The following CDH6 variants were observed in gnomAD, a reference collection of about 807,000 sequenced individuals.
CDH6 encodes cadherin 6.
CDH6 carries 31 observed loss-of-function variants against 78.0 expected under a neutral mutation model. The observed-to-expected ratio is 0.40, with a 90% CI of 0.30 to 0.54. The LOEUF is 0.54. Among genes scored for constraint, CDH6 ranks in the 20% least tolerant of loss-of-function variants. CDH6 has a pLI of 0.56. For missense variants in CDH6, 724 were observed against 975.9 expected, an observed-to-expected ratio of 0.74 and a Z score of 3.44; for synonymous variants, 376 against 368.8, an observed-to-expected ratio of 1.02 and a Z score of -0.23.
At chr5:31,317,342 A>G (rs368568148) in intron 9 of CDH6, 33 bp from the exon 10 acceptor site, 1 of 1,064,622 alleles carries the variant, frequency 9.4e-7, no homozygotes, top group Non-Finnish European at 1.4e-6. Context: ...GAGTTATCAA[A>G]ATTTTATGGC....
intron 1 of CDH6, among the ~76,000 whole-genome samples, chr5:31,252,951 G>C (rs1343381774): frequency 6.6e-6 from 1 of 152,164 alleles, no homozygotes; most frequent in Non-Finnish European, 1.5e-5. Flanking sequence ...AGTGTTTTAT[G>C]TACTTTATAT....
chr5:31,245,654 TG>T (rs1741725540), intron 1 of CDH6, among the ~76,000 whole-genome samples: 1 of 152,180 alleles, frequency 6.6e-6, no homozygotes, highest in Non-Finnish European at 1.5e-5. Flanking sequence ...ATATAAACCA[TG>T]ATTATTCCTC....
At chr5:31,295,931 G>A (rs1249058227) in intron 3 of CDH6, among the ~76,000 whole-genome samples, 1 of 152,152 alleles carries the variant, frequency 6.6e-6, no homozygotes, top group Non-Finnish European at 1.5e-5. Context: ...ATCAAATTTT[G>A]TGTTAATGTT....
At chr5:31,213,591 C>A (rs1200906337) in intron 1 of CDH6, among the ~76,000 whole-genome samples, 1 of 152,172 alleles carries the variant, frequency 6.6e-6, no homozygotes, top group Non-Finnish European at 1.5e-5. Flanking sequence ...GTCTTTTTAA[C>A]AGCCTCTAAA....
chr5:31,307,769 T>C (rs1738027748), intron 7 of CDH6, among the ~76,000 whole-genome samples: 1 of 152,214 alleles, frequency 6.6e-6, no homozygotes, highest in Admixed American at 6.5e-5. Flanking sequence ...AGATCAACTT[T>C]TTTTTAATTA....
intron 1 of CDH6, among the ~76,000 whole-genome samples, chr5:31,248,207 G>C (rs769587986): frequency 2.0e-5 from 3 of 152,128 alleles, no homozygotes; most frequent in Non-Finnish European, 2.9e-5. Flanking sequence ...ATGTTTAACT[G>C]TTCAAATTAA....
chr5:31,252,027 G>A (rs1261238023), intron 1 of CDH6, among the ~76,000 whole-genome samples: 4 of 152,000 alleles, frequency 2.6e-5, no homozygotes, highest in Admixed American at 1.3e-4. Flanking sequence ...AAAAATTCTG[G>A]GACAAAAATT....
chr5:31,269,941 A>G (rs1260633655), intron 2 of CDH6, among the ~76,000 whole-genome samples: 1 of 152,198 alleles, frequency 6.6e-6, no homozygotes, highest in Non-Finnish European at 1.5e-5. Context: ...TGGCTGTATC[A>G]GACACGCGTT....
At chr5:31,259,853 G>C (rs1039912953) in intron 1 of CDH6, among the ~76,000 whole-genome samples, 1 of 152,156 alleles carries the variant, frequency 6.6e-6, no homozygotes, top group Non-Finnish European at 1.5e-5. Flanking sequence ...AATGGCATTT[G>C]AACATAAGGC....
chr5:31,273,552 G>A (rs1742592678), intron 2 of CDH6, among the ~76,000 whole-genome samples: 1 of 152,136 alleles, frequency 6.6e-6, no homozygotes, highest in Admixed American at 6.5e-5. Flanking sequence ...GACCCCGACA[G>A]ACGATACTGT....
chr5:31,221,285 T>C (rs1015207938), intron 1 of CDH6, among the ~76,000 whole-genome samples: 1 of 152,172 alleles, frequency 6.6e-6, no homozygotes, highest in African/African-American at 2.4e-5. Flanking sequence ...AATACTTCTT[T>C]TCCTTACATA....
chr5:31,315,993 G>T (rs1161755032), intron 8 of CDH6, among the ~76,000 whole-genome samples: 1 of 152,116 alleles, frequency 6.6e-6, no homozygotes, highest in Non-Finnish European at 1.5e-5. Context: ...AAGTGGCTTT[G>T]TCACCCATGT....
chr5:31,266,843 G>A (rs560252969), intron 1 of CDH6, among the ~76,000 whole-genome samples: 5 of 152,176 alleles, frequency 3.3e-5, no homozygotes, highest in Admixed American at 6.5e-5. Flanking sequence ...GAAGCCAAGA[G>A]TCTGCAGAGC....
At chr5:31,311,454 GA>G (rs1327962828) in intron 7 of CDH6, among the ~76,000 whole-genome samples, 2 of 152,052 alleles carry the variant, frequency 1.3e-5, no homozygotes, top group African/African-American at 4.8e-5. Flanking sequence ...TTCTTCTTCT[GA>G]ACCCTCCAAT....
At chr5:31,318,300 C>A (rs1297937883) in intron 11 of CDH6, 2 of 408,104 alleles carry the variant, frequency 4.9e-6, no homozygotes, top group Non-Finnish European at 8.8e-6. Flanking sequence ...TGATGAGGGC[C>A]CTTTCTATAA....
At chr5:31,283,525 C>G (rs1742919648) in intron 2 of CDH6, among the ~76,000 whole-genome samples, 1 of 152,100 alleles carries the variant, frequency 6.6e-6, no homozygotes, top group African/African-American at 2.4e-5. Flanking sequence ...ATCTTTGTGA[C>G]CAGTTCAGGT....
chr5:31,251,542 G>T (rs1214014390), intron 1 of CDH6: 1 of 152,184 alleles, frequency 6.6e-6, no homozygotes, highest in African/African-American at 2.4e-5. Context: ...TGTTCTGTGA[G>T]TTGATAACAA....
chr5:31,298,124 C>T (rs1172649458), intron 4 of CDH6, among the ~76,000 whole-genome samples: 1 of 152,210 alleles, frequency 6.6e-6, no homozygotes, highest in East Asian at 1.9e-4. Flanking sequence ...TTCAACATCT[C>T]ATTTTTCTGT....
chr5:31,245,321 C>A (rs1021169432), intron 1 of CDH6, among the ~76,000 whole-genome samples: 1 of 152,146 alleles, frequency 6.6e-6, no homozygotes, highest in Admixed American at 6.5e-5. Context: ...ATGGTGATTT[C>A]AATTCTTTTC....
Sources: allele counts gnomAD v4.1 joint callset (sites outside exome capture counted in the v4.1 genomes callset), GRCh38; gene constraint gnomAD v4.1.1; transcripts MANE v1.5; gene names NCBI Gene and HGNC (gene_info 2026-07-23, HGNC 2026-07-21).